The following BMP7 variants were observed in gnomAD, a reference collection of about 807,000 sequenced individuals.
BMP7 encodes the protein osteogenic protein 1.
Under a neutral mutation model 41.2 loss-of-function variants are expected in BMP7, and 12 were observed. The observed-to-expected ratio is 0.29, with a 90% CI of 0.19 to 0.47. The LOEUF (loss-of-function observed/expected upper bound fraction) is 0.47, where lower values mean the gene tolerates loss of function less well. BMP7 is among the 20% of genes least tolerant of loss of function. The pLI is 0.99. For synonymous variants in BMP7, 248 were observed against 250.0 expected (o/e 0.99, Z 0.07); for missense variants, 467 against 606.0 (o/e 0.77, Z 2.41).
intron 1 of BMP7, among the ~76,000 whole-genome samples, chr20:57,245,545 T>G (rs1747983861): frequency 6.6e-6 from 1 of 151,844 alleles, no homozygotes; most frequent in Admixed American, 6.6e-5. Context: ...TTTTGTATCC[T>G]ATATGAAATG....
intron 1 of BMP7, among the ~76,000 whole-genome samples, chr20:57,252,196 A>C (rs1337823597): frequency 6.6e-6 from 1 of 152,246 alleles, no homozygotes; most frequent in Non-Finnish European, 1.5e-5. Context: ...TTTGAATTTC[A>C]TGTCATTTTA....
intron 2 of BMP7, among the ~76,000 whole-genome samples, chr20:57,209,122 C>A (rs187183235): frequency 4.6e-4 from 70 of 151,686 alleles, no homozygotes; most frequent in Non-Finnish European, 7.5e-4. Context: ...GAGTTCGAGA[C>A]CAGCCTGACC....
chr20:57,184,277 T>C (rs1984161598), intron 3 of BMP7, among the ~76,000 whole-genome samples: 2 of 152,060 alleles, frequency 1.3e-5, no homozygotes, highest in African/African-American at 4.8e-5. Flanking sequence ...TCTGCCTAAT[T>C]TCAGGGAGTT....
intron 2 of BMP7, among the ~76,000 whole-genome samples, chr20:57,216,530 G>C (rs566616513): frequency 5.4e-5 from 8 of 148,074 alleles, no homozygotes; most frequent in Non-Finnish European, 1.2e-4. Flanking sequence ...CTGAGGGCGA[G>C]GGGGCTGTCT....
chr20:57,221,122 C>T (rs1985179660), intron 2 of BMP7, among the ~76,000 whole-genome samples: 1 of 152,186 alleles, frequency 6.6e-6, no homozygotes, highest in African/African-American at 2.4e-5. Context: ...ACGAACAAAA[C>T]TCCTCCCCTT....
intron 2 of BMP7, among the ~76,000 whole-genome samples, chr20:57,226,114 C>T (rs1228395161): frequency 1.3e-5 from 2 of 152,252 alleles, no homozygotes; most frequent in Non-Finnish European, 2.9e-5. Flanking sequence ...ACACAGTGCT[C>T]AGGCCTGCTG....
chr20:57,209,022 A>G (rs1338465000), intron 2 of BMP7, among the ~76,000 whole-genome samples: 2 of 151,014 alleles, frequency 1.3e-5, no homozygotes, highest in Admixed American at 1.3e-4. Flanking sequence ...CGTCTCTACA[A>G]AAAATATAAA....
chr20:57,199,301 G>A (rs1288739318), intron 3 of BMP7, among the ~76,000 whole-genome samples: 5 of 152,204 alleles, frequency 3.3e-5, no homozygotes, highest in Non-Finnish European at 5.9e-5. Context: ...TAAACAGGCT[G>A]CCCTAGGCAC....
intron 1 of BMP7, among the ~76,000 whole-genome samples, chr20:57,240,379 T>G (rs1043290088): frequency 6.6e-6 from 1 of 152,208 alleles, no homozygotes; most frequent in African/African-American, 2.4e-5. Flanking sequence ...CAGCCTGGAT[T>G]TTATTGTCCA....
chr20:57,254,280 C>T (rs939890506), intron 1 of BMP7, among the ~76,000 whole-genome samples: 10 of 152,128 alleles, frequency 6.6e-5, no homozygotes, highest in Non-Finnish European at 1.5e-4. Flanking sequence ...ACCTCAGCCT[C>T]CCAAAGTGCT....
chr20:57,230,487 G>A (rs1568723598), intron 1 of BMP7, among the ~76,000 whole-genome samples: 1 of 151,738 alleles, frequency 6.6e-6, no homozygotes, highest in East Asian at 2.0e-4. Context: ...GAGGAAGTGA[G>A]TACAATCCCG....
At chr20:57,229,546 A>G (rs2066020650) in intron 1 of BMP7, among the ~76,000 whole-genome samples, 1 of 152,214 alleles carries the variant, frequency 6.6e-6, no homozygotes, top group Admixed American at 6.5e-5. Flanking sequence ...AACATGGAGC[A>G]GGAATGACAA....
At chr20:57,265,365 G>A (rs1329948946) in intron 1 of BMP7, among the ~76,000 whole-genome samples, 1 of 152,188 alleles carries the variant, frequency 6.6e-6, no homozygotes, top group East Asian at 1.9e-4. Context: ...GGTAGCGCGA[G>A]CCGCGCCGGC....
intron 1 of BMP7, among the ~76,000 whole-genome samples, chr20:57,250,991 G>A (rs1329605588): frequency 3.3e-5 from 5 of 152,168 alleles, no homozygotes; most frequent in East Asian, 1.9e-4. Flanking sequence ...GGGGGCCACC[G>A]TGCCCACTGC....
At chr20:57,207,621 G>T (rs1219605108) in intron 2 of BMP7, among the ~76,000 whole-genome samples, 1 of 151,824 alleles carries the variant, frequency 6.6e-6, no homozygotes, top group African/African-American at 2.4e-5. Context: ...CCGCTTCAAA[G>T]GACCGTATAA....
chr20:57,187,747 C>T lies in BMP7; in HGVS notation c.761-3828G>A, dbSNP rs7270310. Among the ~76,000 whole-genome samples, 417 of 152,246 alleles carry T rather than the reference C, an allele frequency of 2.7e-3. 5 individuals carry two copies. Among genetic ancestry groups the T allele is most frequent in the African/African-American group, 9.5e-3 (394 of 41,544 alleles). On this transcript the variant is annotated intron_variant, in intron 3 of 6. Coordinates refer to ENST00000395863, the MANE Select transcript of BMP7 (RefSeq NM_001719.3). ...ACTGGATCAAGCCAGCCCTGAAGCC[C>T]GCATTCTCACCCCAGCCACTAAGAT...
chr20:57,243,067 A>T (rs755302926), intron 1 of BMP7, among the ~76,000 whole-genome samples: 12 of 152,222 alleles, frequency 7.9e-5, no homozygotes, highest in Non-Finnish European at 1.3e-4. Flanking sequence ...GACAGCCCAG[A>T]TCACAGGTGT....
At chr20:57,256,733 C>A (rs547719704) in intron 1 of BMP7, among the ~76,000 whole-genome samples, 4 of 151,886 alleles carry the variant, frequency 2.6e-5, no homozygotes, top group South Asian at 4.2e-4. Context: ...AAAAAAATAA[C>A]AAAAATTAGC....
rs1256890240 is a variant in BMP7, at chr20:57,228,246, G to A, written c.594C>T (p.Leu198=). 6.2e-7 allele frequency: 1 copy of A among 1,613,690 alleles called. No homozygotes were observed. The highest frequency in any genetic ancestry group is 2.2e-5 in the East Asian group (1 of 44,886). The stretch of plus-strand genomic sequence containing the variant: ...GCACCCACCTGCCCAAGTGCTCCTG[G>A]AGCACCTGATAAACGCTGATCCGGA... ...ETFRISVYQV[L]QEHLGRESDL... Residue 198 remains leucine, a synonymous_variant, in exon 2 of 7, where the codon CTC becomes CTT. Coordinates refer to ENST00000395863, the MANE Select transcript of BMP7 (RefSeq NM_001719.3). The surrounding 1 kb of genome is among the most constrained non-coding windows in gnomAD (Gnocchi z 4.5).
Sources: gnomAD v4.1 joint callset for allele counts (sites outside exome capture counted in the v4.1 genomes callset) on GRCh38, gnomAD v4.1.1 for gene constraint, Gnocchi (gnomAD v3.1) non-coding constraint, MANE v1.5 for transcripts, NCBI Gene and HGNC (gene_info 2026-07-23, HGNC 2026-07-21) for gene names.